Variants in AKAP9 observed in about 807,000 individuals in gnomAD.
AKAP9 encodes the protein A-kinase anchoring protein 9.
Under a neutral mutation model 488.5 loss-of-function variants are expected in AKAP9, and 311 were observed. That is an observed-to-expected ratio of 0.64 (90% CI 0.58 to 0.70). The LOEUF (loss-of-function observed/expected upper bound fraction) is 0.70. AKAP9 is among the 30% of genes least tolerant of loss of function. AKAP9 has a pLI of 0.00. For missense variants in AKAP9, 4,215 were observed against 4,374.5 expected (o/e 0.96, Z 1.03); for synonymous variants, 1,462 against 1,483.5 (o/e 0.99, Z 0.33).
rs1460887544 is a variant in AKAP9, at chr7:91,964,754, A to G, written c.49-8957A>G. 2.0e-5 allele frequency among the ~76,000 whole-genome samples: 3 copies of G among 152,140 alleles called. No homozygotes were observed. The East Asian group carries it at 5.8e-4, about 29-fold the overall frequency. On this transcript the variant is annotated intron_variant, in intron 1 of 49. Transcript: ENST00000356239. Reference sequence around the variant, plus strand: ...CTTTTAACACTTGCCCATTTCTCTCATACCCTTCAACAAAATCTAACTAAA... The same window carrying G: ...CTTTTAACACTTGCCCATTTCTCTCGTACCCTTCAACAAAATCTAACTAAA...
At chr7:92,092,581 T>C (rs1333030292) in intron 38 of AKAP9, 4 of 153,188 alleles carry the variant, frequency 2.6e-5, no homozygotes, top group African/African-American at 9.7e-5. Context: ...TATTTATAGC[T>C]CTGAAATCTT....
At chr7:92,066,811 CAA>C (rs1399366362) in intron 26 of AKAP9, among the ~76,000 whole-genome samples, 1 of 152,142 alleles carries the variant, frequency 6.6e-6, no homozygotes, top group Non-Finnish European at 1.5e-5. Context: ...CCATTCCTAA[CAA>C]AAGTGATCAA....
At chr7:92,092,000 A>C (rs975394177) in intron 38 of AKAP9, 1 of 152,216 alleles carries the variant, frequency 6.6e-6, no homozygotes, top group East Asian at 1.9e-4. Context: ...AGTATTACAT[A>C]TTTATGGTAG....
chr7:92,093,372 A>G, intron 39 of AKAP9, 56 bp downstream of exon 39: 3 of 1,452,760 alleles, frequency 2.1e-6, no homozygotes, highest in Non-Finnish European at 2.9e-6. Flanking sequence ...TAATTTTGTC[A>G]TAAACACTGT....
In AKAP9 at chr7:92,096,986, G is replaced by A. The variant is rs757454990; in HGVS notation, c.10027G>A (p.Asp3343Asn). ...GTCTCGGCCACCCTTGCCCTCAGAGGACCTACTGAAAGAGCTGCAGAAACA... is the reference window on the plus strand; with the variant it reads ...GTCTCGGCCACCCTTGCCCTCAGAGAACCTACTGAAAGAGCTGCAGAAACA... ...GQSRPPLPSE[D>N]LLKELQKQLE... is the part of the protein sequence containing the mutation. The change falls in exon 41 of 50, where the codon GAC becomes AAC. Residue 3343 changes from aspartate (D) to asparagine (N), a missense_variant. Physicochemically the swap from Asp to Asn is conservative, Grantham distance 23. This residue lies in a region of AKAP9 where 1,476 missense variants were observed against 1,477.4 expected (regional missense o/e 1.00). Transcript: ENST00000356239. 4.7e-5 allele frequency: 76 copies of A among 1,614,056 alleles called. No individual in the cohort carries two copies. Among genetic ancestry groups the A allele is most frequent in the Middle Eastern group, 1.6e-4 (1 of 6,084 alleles).
At chr7:92,071,342 T>TC (rs1811696036) in intron 28 of AKAP9, among the ~76,000 whole-genome samples, 1 of 151,348 alleles carries the variant, frequency 6.6e-6, no homozygotes, top group Non-Finnish European at 1.5e-5. Context: ...ATCCCTTTTC[T>TC]CCTAACCGTA....
Position 92,031,111 on chromosome 7 carries a change from T to C in AKAP9, c.4246-401T>C, listed in dbSNP as rs192768096. On this transcript the variant is annotated intron_variant, in intron 15 of 49. Transcript: ENST00000356239. The stretch of plus-strand genomic sequence containing the variant: ...TGTATTTGTAGAAAGTTAGATAGTA[T>C]TAATAAATACCAAGAAGAAAACAAA... Among the ~76,000 whole-genome samples, 196 of 152,322 alleles carry C rather than the reference T, an allele frequency of 1.3e-3. 1 individual carries two copies. The highest frequency in any genetic ancestry group is 3.4e-3 in the Middle Eastern group (1 of 294).
chr7:92,002,255 C>CT lies in AKAP9; in HGVS notation c.2340dup (p.Lys781Ter). 6.2e-7 allele frequency: 1 copy of CT among 1,601,190 alleles called. No homozygotes were observed. Among genetic ancestry groups the CT allele is most frequent in the Non-Finnish European group, 8.5e-7 (1 of 1,176,682 alleles). On this transcript the variant is annotated frameshift_variant, in exon 8 of 50. Transcript: ENST00000356239. LOFTEE classifies it high-confidence loss of function. ...ACAACTTGAAGCAGAGAATAGCATT[C>CT]TTAAAGATGAAAAGAAAACCCTTGA...
intron 4 of AKAP9, 31 bp downstream of exon 4, chr7:91,992,242 A>C (rs1311497755): frequency 6.8e-7 from 1 of 1,478,342 alleles, no homozygotes; most frequent in Non-Finnish European, 9.5e-7. Flanking sequence ...TGTGATACTA[A>C]TGTTGGATAC....
At chr7:92,036,160 T>C (rs1343312891) in intron 16 of AKAP9, among the ~76,000 whole-genome samples, 1 of 152,152 alleles carries the variant, frequency 6.6e-6, no homozygotes, top group Non-Finnish European at 1.5e-5. Flanking sequence ...GCCAGAACTT[T>C]GAAGGTAACA....
rs1803953685 is a variant in AKAP9 at position 92,029,973 on chromosome 7, T to C, written c.4227T>C (p.Asn1409=). 1 of 1,607,670 alleles carries C rather than the reference T, an allele frequency of 6.2e-7. No homozygotes were observed. The highest frequency in any genetic ancestry group is 8.5e-7 in the Non-Finnish European group (1 of 1,174,480). Reference sequence around the variant, plus strand: ...ACCCTGGAAGTTGTGTGAAAAAGAATATTGATGGTACAATAGAGGTATTAT... The same window carrying C: ...ACCCTGGAAGTTGTGTGAAAAAGAACATTGATGGTACAATAGAGGTATTAT... ...TMYPGSCVKK[N]IDGTIEFSGE... The change falls in exon 15 of 50, where the codon AAT becomes AAC. Residue 1409 remains asparagine (N), a synonymous_variant. Transcript: ENST00000356239.
At chr7:92,081,388 C>A (rs1369243518) in intron 31 of AKAP9, among the ~76,000 whole-genome samples, 1 of 150,784 alleles carries the variant, frequency 6.6e-6, no homozygotes, top group Non-Finnish European at 1.5e-5. Flanking sequence ...ACTGCAGCCT[C>A]CACCTCCTGG....
intron 28 of AKAP9, among the ~76,000 whole-genome samples, chr7:92,074,439 T>C (rs1206323771): frequency 6.6e-6 from 1 of 152,202 alleles, no homozygotes; most frequent in Non-Finnish European, 1.5e-5. Context: ...TCAACCATTA[T>C]GGAAGACAGT....
intron 15 of AKAP9, 101 bp from the exon 16 acceptor site, chr7:92,031,411 C>T (rs1804215111): frequency 2.5e-6 from 2 of 809,402 alleles, no homozygotes; most frequent in East Asian, 5.1e-5. Flanking sequence ...TAGAACTTTT[C>T]TAAAAATACT....
At position 92,002,466 on chromosome 7, in the gene AKAP9, T is replaced by C. The variant is rs764385725; in HGVS notation, c.2549T>C (p.Phe850Ser). ...GAGATTGAAAAGCAAAGGAACACTT[T>C]TTCATTTGCTGAAAAAAACTTTGAA... ...NEEIEKQRNT[F>S]SFAEKNFEVN... Residue 850 changes from phenylalanine to serine, a missense_variant, in exon 8 of 50, where the codon TTT becomes TCT. Phe to Ser is a radical substitution (Grantham distance 155). Coordinates refer to ENST00000356239, the MANE Select transcript of AKAP9 (RefSeq NM_005751.5). 2.5e-6 allele frequency: 4 copies of C among 1,610,588 alleles called. No individual in the cohort carries two copies. The South Asian group carries it at 4.5e-5, about 18-fold the overall frequency.
At chr7:91,989,783 T>C (rs1797544712) in intron 3 of AKAP9, among the ~76,000 whole-genome samples, 3 of 152,040 alleles carry the variant, frequency 2.0e-5, no homozygotes, top group Non-Finnish European at 4.4e-5. Flanking sequence ...TATGAAAATA[T>C]TCAATATTAA....
In AKAP9 at chr7:92,016,157, A is replaced by T. The variant is rs1389939871; in HGVS notation, c.3641A>T (p.Tyr1214Phe). 1 of 1,604,362 alleles carries T rather than the reference A, an allele frequency of 6.2e-7. No individual in the cohort carries two copies. Among genetic ancestry groups the T allele is most frequent in the East Asian group, 2.2e-5 (1 of 44,656 alleles). The stretch of plus-strand genomic sequence containing the variant: ...TTATGCAGTGTCCTTGGTGAATATT[A>T]TACTCCTGCTTTAAAATGTGAAGTA... The part of the protein sequence containing the change: ...QTLCSVLGEY[Y>F]TPALKCEVNA... Residue 1214 changes from tyrosine (Y) to phenylalanine (F), a missense_variant, in exon 11 of 50, where the codon TAT (tyrosine) becomes TTT (phenylalanine). Tyr to Phe is a conservative substitution (Grantham distance 22, BLOSUM62 3). This residue lies in a region of AKAP9 where 2,361 missense variants were observed against 2,430.0 expected (regional missense o/e 0.97). Transcript: ENST00000356239.
At position 92,049,790 on chromosome 7, in the gene AKAP9, C is replaced by T. The variant is rs560287328; in HGVS notation, c.5369-2936C>T. Among the ~76,000 whole-genome samples the T allele has an allele frequency of 5.3e-5, 8 of 152,030 alleles. No individual in the cohort carries two copies. In the East Asian group the frequency reaches 1.5e-3, roughly 29 times the overall value. On this transcript the variant is annotated intron_variant, in intron 21 of 49. Transcript: ENST00000356239. ...GAAAATACCTTAAGCTAGGTGACGT[C>T]TTTGCCTTTTCTAGGTACTTTAATG...
chr7:92,092,606 T>G (rs1815818239), intron 38 of AKAP9: 2 of 154,342 alleles, frequency 1.3e-5, no homozygotes, highest in Admixed American at 1.3e-4. Context: ...ACTAGCACTA[T>G]GAGGAAAACA....
Sources: gnomAD v4.1 joint callset for allele counts (sites outside exome capture counted in the v4.1 genomes callset) on GRCh38, gnomAD v4.1.1 for gene constraint, gnomAD v4.1.1 regional missense constraint, MANE v1.5 for transcripts, NCBI Gene and HGNC (gene_info 2026-07-23, HGNC 2026-07-21) for gene names.